AKAP19: variants seen among roughly 807,000 people sequenced by gnomAD.
AKAP19 encodes small A-kinase anchoring protein.
At chr2:189,984,248 C>T in the AKAP19 span, among the ~76,000 whole-genome samples, 1 of 152,112 alleles carries the variant, frequency 6.6e-6, no homozygotes, top group Non-Finnish European at 1.5e-5. Flanking sequence ...TCTATCTCAC[C>T]TCTGCAATCT....
the AKAP19 span, among the ~76,000 whole-genome samples, chr2:190,142,495 A>G: frequency 6.6e-6 from 1 of 152,206 alleles, no homozygotes; most frequent in Non-Finnish European, 1.5e-5. Context: ...TGATTAGCTC[A>G]GCCAGTGTTC....
chr2:190,016,177 C>T, the AKAP19 span, among the ~76,000 whole-genome samples: 2 of 152,188 alleles, frequency 1.3e-5, no homozygotes, highest in Non-Finnish European at 2.9e-5. Context: ...CTCCTAGTAC[C>T]AATTAACTGT....
At chr2:190,201,341 GA>G in the AKAP19 span, 1 of 166,904 alleles carries the variant, frequency 6.0e-6, no homozygotes, top group Non-Finnish European at 1.5e-5. Flanking sequence ...TTGGGAGGGA[GA>G]AGAAGAAATT....
the AKAP19 span, among the ~76,000 whole-genome samples, chr2:189,907,579 A>G: frequency 9.7e-4 from 147 of 152,258 alleles, no homozygotes; most frequent in African/African-American, 3.3e-3. Flanking sequence ...TCTACTCACT[A>G]GAAACTAAAC....
At chr2:189,919,472 G>C in the AKAP19 span, among the ~76,000 whole-genome samples, 35 of 150,106 alleles carry the variant, frequency 2.3e-4, 1 homozygote, top group East Asian at 6.0e-3. Context: ...GTGCAGGTTT[G>C]TTACATAGGT....
the AKAP19 span, among the ~76,000 whole-genome samples, chr2:190,146,019 C>A: frequency 6.8e-6 from 1 of 147,804 alleles, no homozygotes; most frequent in African/African-American, 2.5e-5. Context: ...TTTATTTTTC[C>A]ATAAGTTATT....
chr2:189,967,652 A>G, the AKAP19 span, among the ~76,000 whole-genome samples: 1 of 152,084 alleles, frequency 6.6e-6, no homozygotes, highest in South Asian at 2.1e-4. Flanking sequence ...AAGATTTGAG[A>G]TGCAAAAAGA....
the AKAP19 span, among the ~76,000 whole-genome samples, chr2:190,181,599 A>G: frequency 9.2e-5 from 14 of 152,370 alleles, no homozygotes; most frequent in Non-Finnish European, 1.9e-4. Context: ...CCATGAGTTA[A>G]GGGGTCAAAG....
At chr2:190,024,923 A>G in the AKAP19 span, among the ~76,000 whole-genome samples, 1 of 152,234 alleles carries the variant, frequency 6.6e-6, no homozygotes, top group Non-Finnish European at 1.5e-5. Flanking sequence ...CTTATTCAAC[A>G]TCTCAAAATA....
chr2:190,181,649 G>A, the AKAP19 span, among the ~76,000 whole-genome samples: 1 of 152,074 alleles, frequency 6.6e-6, no homozygotes, highest in African/African-American at 2.4e-5. Flanking sequence ...TCTTGTCTCT[G>A]GTCTGACACC....
chr2:190,144,953 G>A, the AKAP19 span, among the ~76,000 whole-genome samples: 1 of 151,536 alleles, frequency 6.6e-6, no homozygotes, highest in Non-Finnish European at 1.5e-5. Context: ...CTCCACTCCT[G>A]GACAACAAGA....
the AKAP19 span, among the ~76,000 whole-genome samples, chr2:190,176,877 G>A: frequency 6.6e-6 from 1 of 152,098 alleles, no homozygotes; most frequent in Non-Finnish European, 1.5e-5. This position sits in a 1 kb window ranked among gnomAD's most constrained non-coding sequence, Gnocchi z 4.7. Flanking sequence ...GCAAATACGA[G>A]GTAAGTTCAC....
the AKAP19 span, among the ~76,000 whole-genome samples, chr2:189,975,332 G>C: frequency 6.6e-6 from 1 of 152,200 alleles, no homozygotes. Context: ...GGCTTGTAGA[G>C]TTTCTGCTGA....
chr2:190,022,832 G>A, the AKAP19 span, among the ~76,000 whole-genome samples: 1 of 152,004 alleles, frequency 6.6e-6, no homozygotes, highest in Admixed American at 6.6e-5. Flanking sequence ...TCATGTACTT[G>A]TTTCATTACT....
At chr2:190,031,438 A>G in the AKAP19 span, among the ~76,000 whole-genome samples, 1 of 152,220 alleles carries the variant, frequency 6.6e-6, no homozygotes, top group Admixed American at 6.5e-5. Flanking sequence ...TTTATTTTGT[A>G]AAGCAATAAT....
the AKAP19 span, among the ~76,000 whole-genome samples, chr2:190,173,745 C>G: frequency 6.6e-6 from 1 of 152,166 alleles, no homozygotes; most frequent in Non-Finnish European, 1.5e-5. Flanking sequence ...ACAGTAAATT[C>G]CTCTTCAAAG....
At chr2:189,896,971 C>T in the AKAP19 span, among the ~76,000 whole-genome samples, 5 of 152,016 alleles carry the variant, frequency 3.3e-5, no homozygotes, top group Admixed American at 3.3e-4. Context: ...TGATGTAAGA[C>T]TGTGGACTTT....
the AKAP19 span, among the ~76,000 whole-genome samples, chr2:189,942,257 G>T: frequency 4.0e-5 from 6 of 150,574 alleles, no homozygotes; most frequent in Admixed American, 3.3e-4. Context: ...AGAAGTGTGT[G>T]TCACCTCCCC....
At chr2:190,137,937 C>T in the AKAP19 span, 3 of 3,696 alleles carry the variant, frequency 8.1e-4, no homozygotes, top group Admixed American at 0.02. Flanking sequence ...TTCTACCCAT[C>T]TCTGAATGTA....
Sources: allele counts gnomAD v4.1 joint callset (sites outside exome capture counted in the v4.1 genomes callset), GRCh38; gene constraint gnomAD v4.1.1; non-coding constraint Gnocchi (gnomAD v3.1); transcripts MANE v1.5; gene names NCBI Gene and HGNC (gene_info 2026-07-23, HGNC 2026-07-21).